Variants in POMGNT1 observed in about 807,000 individuals in gnomAD.
The protein encoded by POMGNT1 is protein O-linked-mannose beta-1,2-N-acetylglucosaminyltransferase 1.
Under a neutral mutation model 95.6 loss-of-function variants are expected in POMGNT1, and 67 were observed. That is an observed-to-expected ratio of 0.70 (90% confidence interval 0.58 to 0.86). The LOEUF is 0.86. POMGNT1 is among the 40% of genes least tolerant of loss of function. The probability of loss-of-function intolerance (pLI) is 0.00; values close to 1 mark genes in which losing one functional copy is unlikely to be tolerated. For synonymous variants in POMGNT1, 298 were observed against 317.9 expected (o/e 0.94, Z 0.66); for missense variants, 719 against 855.2 (o/e 0.84, Z 1.99).
upstream of POMGNT1, chr1:46,203,322 C>CGG (rs897472818): frequency 5.2e-6 from 5 of 966,898 alleles, no homozygotes; most frequent in African/African-American, 8.6e-5. Flanking sequence ...GCCGCGCGGG[C>CGG]GGGGACCCAC....
intron 1 of POMGNT1, among the ~76,000 whole-genome samples, chr1:46,211,685 A>T (rs1366472035): frequency 1.3e-5 from 2 of 152,246 alleles, no homozygotes. Flanking sequence ...TTTTAATTTC[A>T]TATGGCTCAT....
Position 46,189,568 on chromosome 1 carries a change from C to T in POMGNT1, c.1786-1G>A, listed in dbSNP as rs1457667479. The T allele has an allele frequency of 6.2e-7, 1 of 1,609,924 alleles. No individual in the cohort carries two copies. The highest frequency in any genetic ancestry group is 8.5e-7 in the Non-Finnish European group (1 of 1,177,930). ...CATCCAGGTCCCAGATATGGAGGCA[C>T]TAGTGAGGGTGGGATGGAGACAGAG... On this transcript the variant is annotated splice_acceptor_variant, in intron 20 of 21. Coordinates refer to ENST00000371984, the MANE Select transcript of POMGNT1 (RefSeq NM_017739.4). LOFTEE classifies it high-confidence loss of function.
intron 17 of POMGNT1, 165 bp downstream of exon 17, chr1:46,191,933 C>A: frequency 8.4e-7 from 1 of 1,195,424 alleles, no homozygotes; most frequent in Non-Finnish European, 1.2e-6. Context: ...CGCGCCCAGC[C>A]CTTTATCCTC....
intron 1 of POMGNT1, among the ~76,000 whole-genome samples, chr1:46,216,107 C>T (rs538770335): frequency 2.2e-4 from 27 of 121,120 alleles, no homozygotes; most frequent in Middle Eastern, 7.7e-3. Flanking sequence ...AGTGCAGTGG[C>T]GCGATCTCGG....
chr1:46,193,142 C>A (rs147681824), intron 13 of POMGNT1, 32 bp downstream of exon 13: 1 of 1,613,964 alleles, frequency 6.2e-7, no homozygotes, highest in Non-Finnish European at 8.5e-7. Flanking sequence ...TTCCCCCCTC[C>A]CAGGCCCAAG....
At chr1:46,194,206 T>A in intron 9 of POMGNT1, 68 bp downstream of exon 9, 1 of 1,613,588 alleles carries the variant, frequency 6.2e-7, no homozygotes. Flanking sequence ...CCAACCTAGA[T>A]CATTCCTGGG....
chr1:46,205,915 A>C (rs986623939), intron 1 of POMGNT1, among the ~76,000 whole-genome samples: 4 of 152,180 alleles, frequency 2.6e-5, no homozygotes, highest in African/African-American at 9.6e-5. Context: ...CTGTCCTTCA[A>C]TTGTTCCTCT....
chr1:46,202,908 G>GGGGGC (rs1553164811), upstream of POMGNT1, among the ~76,000 whole-genome samples: 1 of 104,018 alleles, frequency 9.6e-6, no homozygotes. Context: ...CTAGCCCCTG[G>GGGGGC]GGGGGGGGGG....
At chr1:46,216,108 G>A (rs891536933) in intron 1 of POMGNT1, among the ~76,000 whole-genome samples, 19 of 132,450 alleles carry the variant, frequency 1.4e-4, no homozygotes, top group South Asian at 7.4e-4. Context: ...GTGCAGTGGC[G>A]CGATCTCGGC....
intron 1 of POMGNT1, among the ~76,000 whole-genome samples, chr1:46,210,779 T>G (rs1209283023): frequency 6.6e-6 from 1 of 152,042 alleles, no homozygotes; most frequent in East Asian, 1.9e-4. Context: ...TGTGGGGACC[T>G]TTTTTTATTT....
At chr1:46,218,826 A>G (rs1659144467) in intron 1 of POMGNT1, among the ~76,000 whole-genome samples, 1 of 151,490 alleles carries the variant, frequency 6.6e-6, no homozygotes, top group South Asian at 2.1e-4. Flanking sequence ...AGCTCTGGCC[A>G]ACCCTTTCCC....
intron 1 of POMGNT1, among the ~76,000 whole-genome samples, chr1:46,206,969 A>G (rs1658736433): frequency 6.6e-6 from 1 of 152,096 alleles, no homozygotes; most frequent in Non-Finnish European, 1.5e-5. Flanking sequence ...TTCACTGTAG[A>G]GTGATGTGGT....
intron 17 of POMGNT1, 91 bp downstream of exon 17, chr1:46,192,007 G>A: frequency 6.7e-7 from 1 of 1,485,682 alleles, no homozygotes; most frequent in East Asian, 2.4e-5. Flanking sequence ...TACATGGCTA[G>A]CAAGTAGCAG....
chr1:46,198,232 G>GC (rs1658390056), intron 1 of POMGNT1, 104 bp downstream of exon 1: 1 of 172,194 alleles, frequency 5.8e-6, no homozygotes, highest in Non-Finnish European at 1.3e-5. Flanking sequence ...CATCCTATCT[G>GC]CCCCAGCTTC....
At chr1:46,219,851 G>A in exon 1 of POMGNT1, 2 of 1,614,102 alleles carry the variant, frequency 1.2e-6, no homozygotes, top group Non-Finnish European at 1.7e-6. Context: ...TGACAGGCGG[G>A]AGCCCAGGCC....
At chr1:46,191,113 CAGGA>C in intron 17 of POMGNT1, 1 of 364,850 alleles carries the variant, frequency 2.7e-6, no homozygotes, top group Non-Finnish European at 5.3e-6. Context: ...ACAGGCCCTG[CAGGA>C]GGTGGTGGGC....
At chr1:46,194,757 T>C (rs1658086985) in intron 7 of POMGNT1, 87 bp downstream of exon 7, 6 of 1,613,774 alleles carry the variant, frequency 3.7e-6, no homozygotes, top group Non-Finnish European at 4.2e-6. Flanking sequence ...CTGGCTCCTA[T>C]TTGTTCCCCA....
Position 46,196,991 on chromosome 1 carries a change from G to A in POMGNT1, c.214C>T (p.Pro72Ser), listed in dbSNP as rs2148218769. Reference protein sequence around the residue: ...RRAISEANEDPEPEQDYDEAL... With the variant: ...RRAISEANEDSEPEQDYDEAL... ...CTACCATAGTCTTGCTCTGGCTCTG[G>A]GTCTTCATTGGCTTCACTGATGGCT... The change falls in exon 3 of 22, where the codon CCA (proline) becomes TCA (serine). Residue 72 changes from proline (P) to serine (S), a missense_variant. Physicochemically the swap from Pro to Ser is moderately conservative, Grantham distance 74. Transcript: ENST00000371984. The surrounding 1 kb of genome is among the most constrained non-coding windows in gnomAD (Gnocchi z 4.4). 2 of 1,614,174 alleles carry A rather than the reference G, an allele frequency of 1.2e-6. No homozygotes were observed. Among genetic ancestry groups the A allele is most frequent in the Non-Finnish European group, 8.5e-7 (1 of 1,180,022 alleles).
At chr1:46,211,967 G>A (rs1658910885) in intron 1 of POMGNT1, among the ~76,000 whole-genome samples, 2 of 151,794 alleles carry the variant, frequency 1.3e-5, no homozygotes, top group Admixed American at 1.3e-4. Flanking sequence ...TCACCATGTT[G>A]GCCAGGCTGG....
Sources: allele counts gnomAD v4.1 joint callset (sites outside exome capture counted in the v4.1 genomes callset), GRCh38; gene constraint gnomAD v4.1.1; non-coding constraint Gnocchi (gnomAD v3.1); transcripts MANE v1.5; gene names NCBI Gene and HGNC (gene_info 2026-07-23, HGNC 2026-07-21).